Variants in USP13 observed in about 807,000 individuals in gnomAD.
The protein encoded by USP13 is ubiquitin carboxyl-terminal hydrolase 13.
A neutral mutation model predicts 107.8 loss-of-function variants in USP13; 68 were observed. That is an observed-to-expected ratio of 0.63 (90% CI 0.52 to 0.77). USP13 has a LOEUF of 0.77. Ranked by LOEUF, USP13 falls within the 30% of genes least tolerant of loss-of-function variation. The pLI, the probability that USP13 is intolerant of heterozygous loss-of-function variation, is 0.00. For synonymous variants in USP13, 377 were observed against 389.5 expected (o/e 0.97, Z 0.38); for missense variants, 945 against 1,093.3 (o/e 0.86, Z 1.91).
rs534330700 is a variant in USP13 at position 179,676,698 on chromosome 3, GTGTT to G, written c.169-5171_169-5168del. Among the ~76,000 whole-genome samples, 23 of 152,224 alleles carry G rather than the reference GTGTT, an allele frequency of 1.5e-4. No individual in the cohort carries two copies. The East Asian group carries it at 3.9e-3, about 26-fold the overall frequency. On this transcript the variant is annotated intron_variant, in intron 1 of 20. Coordinates refer to ENST00000263966, the MANE Select transcript of USP13 (RefSeq NM_003940.3). ...AGAAAGCATGGATTATTAGACTGGG[GTGTT>G]TGTTTGTTCTATATGTGACAGGTTT...
intron 13 of USP13, among the ~76,000 whole-genome samples, chr3:179,750,893 T>G (rs1158897832): frequency 6.6e-6 from 1 of 152,132 alleles, no homozygotes; most frequent in Non-Finnish European, 1.5e-5. Context: ...ATCGTTTGAC[T>G]GTTTTTTGCC....
chr3:179,654,736 A>G (rs1314563572), intron 1 of USP13, among the ~76,000 whole-genome samples: 1 of 152,212 alleles, frequency 6.6e-6, no homozygotes, highest in African/African-American at 2.4e-5. Flanking sequence ...GGGGAAAAGA[A>G]AAGTCCAAAT....
intron 1 of USP13, 109 bp from the exon 2 acceptor site, chr3:179,681,769 C>G: frequency 7.0e-7 from 1 of 1,434,738 alleles, no homozygotes; most frequent in Non-Finnish European, 9.4e-7. Flanking sequence ...CTCGGTGGCC[C>G]TTTGCCAGGC....
Position 179,787,682 on chromosome 3 carries a change from GCAGCCTCCT to G in USP13, c.*3543_*3551del, listed in dbSNP as rs1715949917. On this transcript the variant is annotated 3_prime_UTR_variant, in exon 21 of 21. Transcript: ENST00000263966. Reference sequence around the variant, plus strand: ...TACAGTGGTGCAATCTCAGCTCACTGCAGCCTCCTCCCGGGTTCAAGTGATTCTCCTGCC... The same window carrying G: ...TACAGTGGTGCAATCTCAGCTCACTGCCCGGGTTCAAGTGATTCTCCTGCC... 3 of 151,968 alleles carry G rather than the reference GCAGCCTCCT, an allele frequency of 2.0e-5. No individual in the cohort carries two copies. The highest frequency in any genetic ancestry group is 2.0e-4 in the Admixed American group (3 of 15,238). 9.4% of individuals were successfully genotyped at this position (151,968 alleles called of 1,614,324 possible).
chr3:179,770,764 C>A (rs1490819156), intron 19 of USP13, among the ~76,000 whole-genome samples: 1 of 152,082 alleles, frequency 6.6e-6, no homozygotes, highest in Non-Finnish European at 1.5e-5. Flanking sequence ...GCCACCACAC[C>A]CAGCTAATTT....
chr3:179,655,548 G>GTTTTTTGTT (rs1720224696), intron 1 of USP13, among the ~76,000 whole-genome samples: 1 of 131,396 alleles, frequency 7.6e-6, no homozygotes, highest in African/African-American at 3.3e-5. Context: ...TAATGGGAAG[G>GTTTTTTGTT]TTTTTTTTGT....
chr3:179,771,168 C>T (rs1715331051), intron 19 of USP13, among the ~76,000 whole-genome samples: 1 of 152,136 alleles, frequency 6.6e-6, no homozygotes, highest in South Asian at 2.1e-4. Flanking sequence ...GGTTCCAGTC[C>T]CAGACAGGCT....
Position 179,742,463 on chromosome 3 carries a change from T to C in USP13, c.1534+113T>C, listed in dbSNP as rs570079449. ...GTGTCAGGAGTAGACCCAGCCCAGGTGATGTCTGCTTTGCACATCTCTTTT... is the reference window on the plus strand; with the variant it reads ...GTGTCAGGAGTAGACCCAGCCCAGGCGATGTCTGCTTTGCACATCTCTTTT... On this transcript the variant is annotated intron_variant, in intron 12 of 20. Transcript: ENST00000263966. This position sits in a 1 kb window ranked among gnomAD's most constrained non-coding sequence, Gnocchi z 5.0. The C allele has an allele frequency of 1.7e-5, 23 of 1,325,844 alleles. No homozygotes were observed. The East Asian group carries it at 5.8e-4, about 33-fold the overall frequency. 82.1% of individuals were successfully genotyped at this position (1,325,844 alleles called of 1,614,324 possible).
At chr3:179,714,674 G>C (rs191587645) in intron 6 of USP13, among the ~76,000 whole-genome samples, 23 of 152,056 alleles carry the variant, frequency 1.5e-4, no homozygotes, top group African/African-American at 5.3e-4. Flanking sequence ...GATTGCTTGG[G>C]CCCAGGAGTT....
chr3:179,761,734 A>C (rs149635193), intron 17 of USP13, among the ~76,000 whole-genome samples: 3 of 152,242 alleles, frequency 2.0e-5, no homozygotes, highest in African/African-American at 7.2e-5. Flanking sequence ...AAAAACAAAC[A>C]AACAAAAAAA....
intron 1 of USP13, among the ~76,000 whole-genome samples, chr3:179,660,709 A>G (rs1287028071): frequency 6.6e-6 from 1 of 152,240 alleles, no homozygotes; most frequent in East Asian, 1.9e-4. Context: ...TAGGGAGAAA[A>G]AAAAGTTAAT....
At chr3:179,734,839 G>T (rs1353578708) in intron 10 of USP13, among the ~76,000 whole-genome samples, 1 of 152,168 alleles carries the variant, frequency 6.6e-6, no homozygotes, top group Admixed American at 6.5e-5. Flanking sequence ...TTATCCTGTG[G>T]TTTAAAAGTA....
chr3:179,690,762 C>T (rs979792376), intron 3 of USP13, among the ~76,000 whole-genome samples: 6 of 152,034 alleles, frequency 3.9e-5, no homozygotes, highest in Non-Finnish European at 5.9e-5. Flanking sequence ...TTTGTAGAGA[C>T]GGAGTTTCAC....
chr3:179,728,763 C>G (rs977759944), intron 8 of USP13, among the ~76,000 whole-genome samples: 5 of 152,212 alleles, frequency 3.3e-5, no homozygotes, highest in Admixed American at 3.3e-4. Context: ...GCGGATCACT[C>G]GCGGTTAGGG....
chr3:179,703,276 A>G (rs1301321035), intron 4 of USP13, among the ~76,000 whole-genome samples: 1 of 152,236 alleles, frequency 6.6e-6, no homozygotes, highest in Non-Finnish European at 1.5e-5. Flanking sequence ...TTTTCTTTTC[A>G]TGCTTTTGCT....
At chr3:179,677,107 C>T (rs919664987) in intron 1 of USP13, among the ~76,000 whole-genome samples, 2 of 151,888 alleles carry the variant, frequency 1.3e-5, no homozygotes, top group African/African-American at 4.8e-5. Flanking sequence ...ATCCACCTGC[C>T]TCGGCCTCCC....
intron 15 of USP13, among the ~76,000 whole-genome samples, chr3:179,755,461 A>AT (rs891667959): frequency 6.0e-5 from 9 of 149,538 alleles, no homozygotes; most frequent in South Asian, 2.1e-4. Flanking sequence ...TGCCTGCTTA[A>AT]TTTTTTTTTT....
rs796305185 is a variant in USP13, at chr3:179,778,723, G to A, written c.2414-3016G>A. Among the ~76,000 whole-genome samples the A allele has an allele frequency of 3.0e-4, 46 of 151,694 alleles. 1 individual carries two copies. The highest frequency in any genetic ancestry group is 1.1e-3 in the African/African-American group (44 of 41,352). Reference sequence around the variant, plus strand: ...GGAGGTTGCAGTGAGCCGAGATCACGCCATTGCATTCCAGCCTGGGTAACA... The same window carrying A: ...GGAGGTTGCAGTGAGCCGAGATCACACCATTGCATTCCAGCCTGGGTAACA... On this transcript the variant is annotated intron_variant, in intron 19 of 20. Transcript: ENST00000263966.
At chr3:179,667,447 C>T (rs955483357) in intron 1 of USP13, among the ~76,000 whole-genome samples, 1 of 152,152 alleles carries the variant, frequency 6.6e-6, no homozygotes, top group African/African-American at 2.4e-5. Context: ...GTACTGTTGA[C>T]AAGGTGGTTT....
Sources: allele counts gnomAD v4.1 joint callset (sites outside exome capture counted in the v4.1 genomes callset), GRCh38; gene constraint gnomAD v4.1.1; non-coding constraint Gnocchi (gnomAD v3.1); transcripts MANE v1.5; gene names NCBI Gene and HGNC (gene_info 2026-07-23, HGNC 2026-07-21).